Variants in TRIM49D1 observed in about 807,000 individuals in gnomAD.
The protein encoded by TRIM49D1 is tripartite motif-containing protein 49D.
Position 89,920,480 on chromosome 11 carries a change from T to C in TRIM49D1, c.-186A>G, listed in dbSNP as rs563853544. On this transcript the variant is annotated 5_prime_UTR_variant, in exon 2 of 8. In the 5' UTR this introduces an upstream ATG that the reference lacks. Transcript: ENST00000420869. Reference sequence around the variant, plus strand: ...TGAGCTTGTCTCTTCTATGTCCTTTTATAAGAATCTGTGAAGGCCACACCC... The same window carrying C: ...TGAGCTTGTCTCTTCTATGTCCTTTCATAAGAATCTGTGAAGGCCACACCC... 7.4e-6 allele frequency: 1 copy of C among 135,396 alleles called. No homozygotes were observed. The highest frequency in any genetic ancestry group is 2.2e-4 in the East Asian group (1 of 4,510). The allele number at this position is 135,396 out of a possible 1,614,324, so 8.4% of individuals were successfully genotyped here. A position where few individuals can be genotyped will look rare whatever the true frequency, so the allele number is the denominator to read the frequency against.
At chr11:89,920,749 A>G (rs1167070368) in intron 1 of TRIM49D1, among the ~76,000 whole-genome samples, 2 of 151,966 alleles carry the variant, frequency 1.3e-5, no homozygotes, top group South Asian at 2.1e-4. Flanking sequence ...CTAAGGGCAC[A>G]TTTATTTATT....
At chr11:89,921,109 T>C (rs1565466321) in intron 1 of TRIM49D1, among the ~76,000 whole-genome samples, 1 of 152,048 alleles carries the variant, frequency 6.6e-6, no homozygotes, top group African/African-American at 2.4e-5. Context: ...ACTTTTTTTG[T>C]TTTCTACCAC....
rs551670906 is a variant in TRIM49D1 at position 89,921,832 on chromosome 11, A to T, written c.-216+20T>A. Reference sequence around the variant, plus strand: ...CTATGTCTTTCTTTAAGGGACTTTCACTGATGAAGTCAGGCTTACCTGAGT... The same window carrying T: ...CTATGTCTTTCTTTAAGGGACTTTCTCTGATGAAGTCAGGCTTACCTGAGT... On this transcript the variant is annotated intron_variant, in intron 1 of 7. Transcript: ENST00000420869. 2 of 152,186 alleles carry T rather than the reference A, an allele frequency of 1.3e-5. No homozygotes were observed. The highest frequency in any genetic ancestry group is 3.9e-4 in the East Asian group (2 of 5,160). 9.4% of individuals were successfully genotyped at this position (152,186 alleles called of 1,614,324 possible).
chr11:89,920,226 TA>T (rs1217831097), intron 2 of TRIM49D1, 72 bp downstream of exon 2: 1 of 26,500 alleles, frequency 3.8e-5, no homozygotes, highest in Non-Finnish European at 5.9e-5. Context: ...GATAATGAGA[TA>T]TTTTTAACAC....
intron 1 of TRIM49D1, among the ~76,000 whole-genome samples, chr11:89,921,011 G>T (rs778263492): frequency 8.5e-5 from 13 of 152,080 alleles, no homozygotes; most frequent in Non-Finnish European, 1.9e-4. Flanking sequence ...ATGCTTGGGA[G>T]TACAGGCATA....
chr11:89,920,781 G>A (rs1950327260), intron 1 of TRIM49D1, among the ~76,000 whole-genome samples: 3 of 151,990 alleles, frequency 2.0e-5, no homozygotes, highest in Non-Finnish European at 4.4e-5. Context: ...GTCTGCTTGT[G>A]GAGTGCAGTG....
chr11:89,921,164 G>T (rs1950329874), intron 1 of TRIM49D1, among the ~76,000 whole-genome samples: 1 of 152,008 alleles, frequency 6.6e-6, no homozygotes, highest in Non-Finnish European at 1.5e-5. Flanking sequence ...ACTAATTTGA[G>T]GTCTCTTACT....
intron 1 of TRIM49D1, among the ~76,000 whole-genome samples, chr11:89,921,424 T>C (rs1950331661): frequency 6.6e-6 from 1 of 151,966 alleles, no homozygotes; most frequent in Non-Finnish European, 1.5e-5. Flanking sequence ...AGAAAAGAGA[T>C]TTAAGAAGCG....
chr11:89,920,607 C>G (rs1226623018), intron 1 of TRIM49D1, 98 bp from the exon 2 acceptor site: 1 of 351,524 alleles, frequency 2.8e-6, no homozygotes, highest in East Asian at 5.6e-5. Context: ...AAATTATCAT[C>G]ACTCCTTAAA....
At position 89,920,371 on chromosome 11, in the gene TRIM49D1, G is replaced by T. The variant is rs1226730774; in HGVS notation, c.-77C>A. On this transcript the variant is annotated 5_prime_UTR_variant, in exon 2 of 8. Coordinates refer to ENST00000420869, the MANE Select transcript of TRIM49D1 (RefSeq NM_001384911.1). ...TCTGTTAAGTACTCCTCAAGGTCAG[G>T]AGCTCATTCGCCGCAGTACTGAGTT... 1 of 227,268 alleles carries T rather than the reference G, an allele frequency of 4.4e-6. No homozygotes were observed. Among genetic ancestry groups the T allele is most frequent in the Non-Finnish European group, 7.6e-6 (1 of 132,108 alleles). 14.1% of individuals were successfully genotyped at this position (227,268 alleles called of 1,614,324 possible).
At chr11:89,920,263 A>G in intron 2 of TRIM49D1, 36 bp downstream of exon 2, 1 of 93,830 alleles carries the variant, frequency 1.1e-5, no homozygotes, top group Non-Finnish European at 1.7e-5. Flanking sequence ...TGTAAAGGAA[A>G]GAAGACATAA....
At chr11:89,921,229 G>A (rs1370788025) in intron 1 of TRIM49D1, among the ~76,000 whole-genome samples, 3 of 151,966 alleles carry the variant, frequency 2.0e-5, no homozygotes, top group Non-Finnish European at 4.4e-5. Context: ...TTATTTTAAT[G>A]CTTTTCTCCA....
intron 1 of TRIM49D1, 59 bp from the exon 2 acceptor site, chr11:89,920,568 AT>A (rs1442031203): frequency 3.7e-6 from 1 of 269,326 alleles, no homozygotes; most frequent in African/African-American, 2.3e-5. Context: ...TTTATGCAGT[AT>A]TTAGATCGCA....
chr11:89,921,601 A>T (rs1430236100), intron 1 of TRIM49D1: 1 of 152,030 alleles, frequency 6.6e-6, no homozygotes, highest in East Asian at 1.9e-4. Flanking sequence ...GGAGATTCAC[A>T]TATGAATTAA....
intron 1 of TRIM49D1, among the ~76,000 whole-genome samples, chr11:89,921,168 T>C (rs1395053377): frequency 6.6e-6 from 1 of 152,106 alleles, no homozygotes; most frequent in East Asian, 1.9e-4. Context: ...ATTTGAGGTC[T>C]CTTACTGAAT....
At position 89,920,403 on chromosome 11, in the gene TRIM49D1, G is replaced by A. The variant is rs1224253291; in HGVS notation, c.-109C>T. On this transcript the variant is annotated 5_prime_UTR_variant, in exon 2 of 8. Coordinates refer to ENST00000420869, the MANE Select transcript of TRIM49D1 (RefSeq NM_001384911.1). ...TTCGCCGCAGTACTGAGTTTCAGAG[G>A]TCACCAAAACACAGCTTCCTCTAAG... is the stretch of plus-strand genomic sequence containing the variant. 4 of 180,506 alleles carry A rather than the reference G, an allele frequency of 2.2e-5. No individual in the cohort carries two copies. The highest frequency in any genetic ancestry group is 4.0e-5 in the Non-Finnish European group (4 of 99,688). 11.2% of individuals were successfully genotyped at this position (180,506 alleles called of 1,614,324 possible).
chr11:89,921,623 C>G (rs573393738), intron 1 of TRIM49D1: 5 of 151,866 alleles, frequency 3.3e-5, no homozygotes, highest in African/African-American at 1.2e-4. Context: ...TGCAAGGAAC[C>G]GGTTTCCACA....
At position 89,922,078 on chromosome 11, in the gene TRIM49D1, C is replaced by G. The variant is rs1475447878; in HGVS notation, c.-442G>C. Reference sequence around the variant, plus strand: ...TGTTTTTGTTTGCTTTGTCAAAGATCAGTTGGTTGTTAAGTATTTGGGTTC... The same window carrying G: ...TGTTTTTGTTTGCTTTGTCAAAGATGAGTTGGTTGTTAAGTATTTGGGTTC... On this transcript the variant is annotated 5_prime_UTR_variant, in exon 1 of 8. Transcript: ENST00000420869. Among the ~76,000 whole-genome samples, 1 of 151,934 alleles carries G rather than the reference C, an allele frequency of 6.6e-6. No homozygotes were observed. The highest frequency in any genetic ancestry group is 1.5e-5 in the Non-Finnish European group (1 of 68,022).
intron 1 of TRIM49D1, 128 bp from the exon 2 acceptor site, chr11:89,920,637 T>C (rs1024662162): frequency 5.3e-6 from 2 of 375,594 alleles, no homozygotes; most frequent in Admixed American, 4.5e-5. Context: ...TTTAAATGAA[T>C]CATATGTAAC....
Sources: allele counts gnomAD v4.1 joint callset (sites outside exome capture counted in the v4.1 genomes callset), GRCh38; gene constraint gnomAD v4.1.1; transcripts MANE v1.5; gene names NCBI Gene and HGNC (gene_info 2026-07-23, HGNC 2026-07-21).